Variants in LRRTM4 observed in about 807,000 individuals in gnomAD.
LRRTM4 encodes the protein leucine-rich repeat transmembrane neuronal protein 4.
A neutral mutation model predicts 47.6 loss-of-function variants in LRRTM4; 25 were observed. The observed-to-expected ratio is 0.53, with a 90% CI of 0.38 to 0.73. The LOEUF is 0.73. Ranked by LOEUF, LRRTM4 falls within the 30% of genes least tolerant of loss-of-function variation. LRRTM4 has a pLI of 0.00. For synonymous variants in LRRTM4, 311 were observed against 269.5 expected (o/e 1.15, Z -1.51); for missense variants, 638 against 713.4 (o/e 0.89, Z 1.20).
chr2:77,043,826 T>C (rs1044101051), intron 3 of LRRTM4, among the ~76,000 whole-genome samples: 26 of 151,698 alleles, frequency 1.7e-4, no homozygotes, highest in African/African-American at 5.8e-4. Context: ...TAAAGCTTTA[T>C]ATGGCAGATA....
chr2:76,973,329 T>C (rs558040477), intron 3 of LRRTM4, among the ~76,000 whole-genome samples: 2 of 152,008 alleles, frequency 1.3e-5, no homozygotes, highest in Admixed American at 6.6e-5. Flanking sequence ...GTTGTCCCAG[T>C]TCCCAATTAG....
At chr2:76,891,654 C>T (rs571700075) in intron 3 of LRRTM4, among the ~76,000 whole-genome samples, 4 of 151,672 alleles carry the variant, frequency 2.6e-5, no homozygotes, top group East Asian at 1.9e-4. Context: ...AGGTATTAGA[C>T]GATTAGACTT....
intron 3 of LRRTM4, among the ~76,000 whole-genome samples, chr2:76,795,317 A>G (rs953454549): frequency 7.9e-5 from 12 of 152,184 alleles, no homozygotes; most frequent in Non-Finnish European, 1.0e-4. Flanking sequence ...TGAAATATAT[A>G]TGTAGTTCAT....
chr2:77,050,287 T>TAG (rs1679387122), intron 3 of LRRTM4, among the ~76,000 whole-genome samples: 1 of 152,118 alleles, frequency 6.6e-6, no homozygotes, highest in Non-Finnish European at 1.5e-5. Flanking sequence ...CTGGAGGTAA[T>TAG]AGGCTGCTAC....
intron 3 of LRRTM4, among the ~76,000 whole-genome samples, chr2:76,961,115 G>T (rs1406694885): frequency 6.6e-6 from 1 of 151,288 alleles, no homozygotes; most frequent in African/African-American, 2.4e-5. Context: ...ACAACGACAG[G>T]TTAAATCATT....
intron 3 of LRRTM4, among the ~76,000 whole-genome samples, chr2:77,384,237 A>G (rs573423478): frequency 2.6e-5 from 4 of 151,524 alleles, no homozygotes; most frequent in Non-Finnish European, 4.4e-5. Context: ...TTTTTTTTTA[A>G]AAATTCACTA....
intron 3 of LRRTM4, among the ~76,000 whole-genome samples, chr2:77,425,883 A>T (rs1675084585): frequency 6.6e-6 from 1 of 151,976 alleles, no homozygotes; most frequent in Non-Finnish European, 1.5e-5. Context: ...TAGAGAGGCC[A>T]AGGCAGGCGG....
At chr2:76,902,069 C>A (rs951717134) in intron 3 of LRRTM4, among the ~76,000 whole-genome samples, 3 of 152,064 alleles carry the variant, frequency 2.0e-5, no homozygotes, top group Non-Finnish European at 4.4e-5. Flanking sequence ...TTCTAACTTC[C>A]TCTGGCTAAG....
intron 3 of LRRTM4, among the ~76,000 whole-genome samples, chr2:77,107,290 T>C (rs575131527): frequency 7.7e-5 from 10 of 130,092 alleles, no homozygotes; most frequent in African/African-American, 3.7e-4. Flanking sequence ...CAATGAACTA[T>C]ATTACCTTTA....
chr2:77,300,357 C>T (rs1039504295), intron 3 of LRRTM4, among the ~76,000 whole-genome samples: 3 of 152,062 alleles, frequency 2.0e-5, no homozygotes, highest in Admixed American at 6.6e-5. Flanking sequence ...ATATTTTAAA[C>T]TTTGGTCAGA....
intron 3 of LRRTM4, among the ~76,000 whole-genome samples, chr2:76,973,041 C>T (rs1489771279): frequency 1.3e-5 from 2 of 151,722 alleles, no homozygotes; most frequent in African/African-American, 4.8e-5. Context: ...GAATGCTTTC[C>T]AGGACACTAA....
intron 3 of LRRTM4, among the ~76,000 whole-genome samples, chr2:76,801,098 G>T (rs187313977): frequency 2.0e-5 from 3 of 151,464 alleles, no homozygotes; most frequent in Admixed American, 1.3e-4. Context: ...TGTGGAAGTC[G>T]GTGTGGCGAT....
At chr2:77,168,421 CTTAT>C (rs1324120718) in intron 3 of LRRTM4, among the ~76,000 whole-genome samples, 1 of 151,892 alleles carries the variant, frequency 6.6e-6, no homozygotes, top group African/African-American at 2.4e-5. Flanking sequence ...TAGCTGCTTT[CTTAT>C]TTATACATAA....
rs1675906356 is a variant in LRRTM4, at chr2:76,805,166, T to C, written c.1552-56250A>G. Among the ~76,000 whole-genome samples the C allele has an allele frequency of 3.3e-5, 5 of 152,162 alleles. No homozygotes were observed. The South Asian group carries it at 1.0e-3, about 31-fold the overall frequency. Reference sequence around the variant, plus strand: ...ACCTCTTTGTTTAGAGGTTGGATGGTCTATAATTTTAATGAGTGGAGAATA... The same window carrying C: ...ACCTCTTTGTTTAGAGGTTGGATGGCCTATAATTTTAATGAGTGGAGAATA... On this transcript the variant is annotated intron_variant, in intron 3 of 3. Transcript: ENST00000409884.
intron 3 of LRRTM4, among the ~76,000 whole-genome samples, chr2:77,022,144 C>G (rs192998603): frequency 6.6e-6 from 1 of 152,014 alleles, no homozygotes; most frequent in Non-Finnish European, 1.5e-5. Flanking sequence ...TACATGGTGG[C>G]GGCAAGAGAA....
At chr2:77,294,630 C>T (rs899654935) in intron 3 of LRRTM4, among the ~76,000 whole-genome samples, 4 of 152,138 alleles carry the variant, frequency 2.6e-5, no homozygotes, top group African/African-American at 9.6e-5. Flanking sequence ...AGATTCTTGC[C>T]CTACTTGTAA....
At chr2:77,048,845 A>G (rs867239598) in intron 3 of LRRTM4, among the ~76,000 whole-genome samples, 1 of 151,658 alleles carries the variant, frequency 6.6e-6, no homozygotes, top group East Asian at 2.0e-4. Context: ...CTATAGTGCT[A>G]TAGAACACTA....
chr2:77,162,236 C>G (rs915537472), intron 3 of LRRTM4, among the ~76,000 whole-genome samples: 16 of 152,296 alleles, frequency 1.1e-4, no homozygotes, highest in African/African-American at 3.8e-4. Flanking sequence ...GTACAGCAGT[C>G]TGAGATTAAA....
At chr2:76,856,403 TAAG>T (rs1300313777) in intron 3 of LRRTM4, among the ~76,000 whole-genome samples, 1 of 152,224 alleles carries the variant, frequency 6.6e-6, no homozygotes, top group African/African-American at 2.4e-5. Context: ...AAGTGCCTGT[TAAG>T]AAGGTCTCTC....
Sources: gnomAD v4.1 joint callset for allele counts (sites outside exome capture counted in the v4.1 genomes callset) on GRCh38, gnomAD v4.1.1 for gene constraint, MANE v1.5 for transcripts, NCBI Gene and HGNC (gene_info 2026-07-23, HGNC 2026-07-21) for gene names.